ADAM20: variants seen among roughly 807,000 people sequenced by gnomAD.
ADAM20 encodes the protein disintegrin and metalloproteinase domain-containing protein 20.
For missense variants in ADAM20, 871 were observed against 883.2 expected (o/e 0.99, Z 0.18); for synonymous variants, 305 against 310.2 (o/e 0.98, Z 0.18).
the ADAM20 span, among the ~76,000 whole-genome samples, chr14:70,545,517 G>T: frequency 1.3e-5 from 2 of 151,974 alleles, no homozygotes; most frequent in African/African-American, 4.8e-5. Context: ...AAAATAAAGG[G>T]ATGGGAAAAG....
rs1387537156 is a variant in ADAM20, at chr14:70,523,965, G to C, written c.793C>G (p.Pro265Ala). ...TCTAGGTCTCCACTGGTAGGAAGTG[G>C]ATTTGATGCAGTCCATATATCAATT... ...TGIDIWTASN[P>A]LPTSGDLDNV... Residue 265 changes from proline (P) to alanine (A), a missense_variant, in exon 2 of 2, where the codon CCA (proline) becomes GCA (alanine). Transcript: ENST00000256389. 1 of 1,613,984 alleles carries C rather than the reference G, an allele frequency of 6.2e-7. No homozygotes were observed.
the ADAM20 span, among the ~76,000 whole-genome samples, chr14:70,557,947 T>TAAATTA: frequency 6.6e-5 from 10 of 152,224 alleles, no homozygotes; most frequent in Non-Finnish European, 1.2e-4. Context: ...CTGAATTTTT[T>TAAATTA]AAATTAAACA....
the ADAM20 span, among the ~76,000 whole-genome samples, chr14:70,540,262 G>C: frequency 1.3e-5 from 2 of 152,124 alleles, no homozygotes; most frequent in African/African-American, 4.8e-5. Context: ...ATAACTATTG[G>C]ATCTTCTTCT....
At chr14:70,576,331 C>T in the ADAM20 span, among the ~76,000 whole-genome samples, 1 of 152,138 alleles carries the variant, frequency 6.6e-6, no homozygotes, top group African/African-American at 2.4e-5. Flanking sequence ...CTATTACAAA[C>T]AACCTTTAGC....
At chr14:70,567,282 A>G in the ADAM20 span, among the ~76,000 whole-genome samples, 1 of 152,130 alleles carries the variant, frequency 6.6e-6, no homozygotes, top group African/African-American at 2.4e-5. Context: ...AATATAACTT[A>G]CAACCCACTC....
chr14:70,554,995 T>C, the ADAM20 span, among the ~76,000 whole-genome samples: 1 of 152,236 alleles, frequency 6.6e-6, no homozygotes, highest in African/African-American at 2.4e-5. Flanking sequence ...CATTGGTTGC[T>C]TCGGGTATGC....
intron 1 of ADAM20, among the ~76,000 whole-genome samples, chr14:70,531,855 CATAA>C (rs1446857566): frequency 5.3e-5 from 8 of 151,888 alleles, no homozygotes; most frequent in Admixed American, 3.9e-4. Flanking sequence ...TTAAAGAAGA[CATAA>C]ATAAATGGAA....
upstream of ADAM20, among the ~76,000 whole-genome samples, chr14:70,538,831 C>A (rs1052371033): frequency 1.3e-5 from 2 of 152,176 alleles, no homozygotes; most frequent in Non-Finnish European, 2.9e-5. Flanking sequence ...TGGAGTCTTG[C>A]TCTGTCACCA....
the ADAM20 span, among the ~76,000 whole-genome samples, chr14:70,572,414 T>G: frequency 3.3e-5 from 5 of 152,156 alleles, no homozygotes; most frequent in Non-Finnish European, 7.3e-5. Context: ...AGAATTAAAC[T>G]GGACTTCTAC....
upstream of ADAM20, among the ~76,000 whole-genome samples, chr14:70,537,684 G>A (rs531539982): frequency 1.3e-5 from 2 of 152,256 alleles, no homozygotes; most frequent in East Asian, 1.9e-4. Flanking sequence ...GTCTACATGG[G>A]TGCCAAACAA....
At chr14:70,563,961 C>T in the ADAM20 span, among the ~76,000 whole-genome samples, 1 of 152,222 alleles carries the variant, frequency 6.6e-6, no homozygotes, top group Non-Finnish European at 1.5e-5. Context: ...CCACATCAGT[C>T]CCTCCCCCAA....
the ADAM20 span, among the ~76,000 whole-genome samples, chr14:70,569,973 T>C: frequency 4.1e-4 from 61 of 149,304 alleles, no homozygotes; most frequent in Non-Finnish European, 1.2e-4. Context: ...CTACAGAATA[T>C]TCCACCCAAG....
At position 70,522,404 on chromosome 14, in the gene ADAM20, A is replaced by G. The variant is rs1490862079; in HGVS notation, c.*173T>C. On this transcript the variant is annotated 3_prime_UTR_variant, in exon 2 of 2. Coordinates refer to ENST00000256389, the MANE Select transcript of ADAM20 (RefSeq NM_003814.5). The stretch of plus-strand genomic sequence containing the variant: ...ATATTGCTTAAGACACTGTAGAGTA[A>G]GTAAGAATAGGCTAGGAATCCTTTG... 2.4e-5 allele frequency: 16 copies of G among 678,056 alleles called. 2 individuals carry two copies. Among genetic ancestry groups the G allele is most frequent in the Non-Finnish European group, 9.6e-6 (4 of 415,468 alleles). 42.0% of individuals were successfully genotyped at this position (678,056 alleles called of 1,614,324 possible).
Position 70,523,027 on chromosome 14 carries a change from C to T in ADAM20, c.1731G>A (p.Glu577=). 6.2e-7 allele frequency: 1 copy of T among 1,614,016 alleles called. No homozygotes were observed. Among genetic ancestry groups the T allele is most frequent in the Non-Finnish European group, 8.5e-7 (1 of 1,179,950 alleles). ...ENVGVIPNLI[E]HSTVQQFHLN... ...GGTGAAACTGCTGCACTGTAGAATG[C>T]TCTATCAGATTGGGAATTACTCCCA... The change falls in exon 2 of 2, where the codon GAG becomes GAA. Residue 577 remains glutamate (E), a synonymous_variant. Coordinates refer to ENST00000256389, the MANE Select transcript of ADAM20 (RefSeq NM_003814.5).
chr14:70,523,268 C>T lies in ADAM20; in HGVS notation c.1490G>A (p.Cys497Tyr), dbSNP rs761273860. 4 of 1,613,884 alleles carry T rather than the reference C, an allele frequency of 2.5e-6. No homozygotes were observed. The East Asian group carries it at 8.9e-5, about 36-fold the overall frequency. ...TTCATAGCAGAAGGCATTCACATTA[C>T]AGGAGATCCCGTCCTGCACATACAC... Reference protein sequence around the residue: ...DDVYVQDGISCNVNAFCYEKT... With the variant: ...DDVYVQDGISYNVNAFCYEKT... Residue 497 changes from cysteine to tyrosine, a missense_variant, in exon 2 of 2, where the codon TGT (cysteine) becomes TAT (tyrosine). Transcript: ENST00000256389.
intron 1 of ADAM20, among the ~76,000 whole-genome samples, chr14:70,528,919 C>A (rs1408093443): frequency 6.6e-6 from 1 of 151,914 alleles, no homozygotes; most frequent in East Asian, 1.9e-4. Context: ...AAAAGCAAAA[C>A]AAACTGTTAC....
Position 70,524,471 on chromosome 14 carries a change from T to C in ADAM20, c.287A>G (p.His96Arg), listed in dbSNP as rs1369249828. 25 of 1,613,924 alleles carry C rather than the reference T, an allele frequency of 1.5e-5. 1 individual carries two copies. The highest frequency in any genetic ancestry group is 2.2e-5 in the South Asian group (2 of 91,088). ...GAAGGGCTGATCCTGGAGCAGGGCA[T>C]GCTGCTCTGTGTAGGTGAACACAGG... ...HLPVFTYTEQ[H>R]ALLQDQPFIQ... is the part of the protein sequence containing the mutation. Residue 96 changes from histidine to arginine, a missense_variant, in exon 2 of 2, where the codon CAT (histidine) becomes CGT (arginine). His to Arg is a conservative substitution (Grantham distance 29). Coordinates refer to ENST00000256389, the MANE Select transcript of ADAM20 (RefSeq NM_003814.5).
chr14:70,561,302 C>G, the ADAM20 span, among the ~76,000 whole-genome samples: 4 of 152,322 alleles, frequency 2.6e-5, no homozygotes, highest in South Asian at 8.3e-4. Context: ...AGCAGCAATG[C>G]ATTCAAGATT....
the ADAM20 span, among the ~76,000 whole-genome samples, chr14:70,573,464 C>T: frequency 6.6e-6 from 1 of 152,126 alleles, no homozygotes; most frequent in Non-Finnish European, 1.5e-5. Flanking sequence ...GTTGGAAAAA[C>T]TACCTATTGG....
Sources: allele counts gnomAD v4.1 joint callset (sites outside exome capture counted in the v4.1 genomes callset), GRCh38; gene constraint gnomAD v4.1.1; transcripts MANE v1.5; gene names NCBI Gene and HGNC (gene_info 2026-07-23, HGNC 2026-07-21).